The following CAMK1D variants were observed in gnomAD, a reference collection of about 807,000 sequenced individuals.
The protein encoded by CAMK1D is calcium/calmodulin-dependent protein kinase type 1D.
CAMK1D carries 9 observed loss-of-function variants against 47.7 expected under a neutral mutation model. The observed-to-expected ratio is 0.19, with a 90% confidence interval of 0.11 to 0.33. The LOEUF (loss-of-function observed/expected upper bound fraction) is 0.33. CAMK1D is among the 10% of genes least tolerant of loss of function. The pLI, the probability that CAMK1D is intolerant of heterozygous loss-of-function variation, is 1.00. For synonymous variants in CAMK1D, 184 were observed against 184.9 expected, an observed-to-expected ratio of 0.99 and a Z score of 0.04; for missense variants, 291 against 488.7, an observed-to-expected ratio of 0.60 and a Z score of 3.81.
intron 1 of CAMK1D, among the ~76,000 whole-genome samples, chr10:12,541,842 T>TCTTTCTTCCTTCCTTCCTTCCTTC (rs374911157): frequency 1.1e-4 from 13 of 116,606 alleles, no homozygotes; most frequent in Admixed American, 9.0e-4. Context: ...CTGTGTTTTA[T>TCTTTCTTCCTTCCTTCCTTCCTTC]CTTCCTTCCT....
chr10:12,656,653 C>T (rs775714177), intron 2 of CAMK1D, among the ~76,000 whole-genome samples: 1 of 152,204 alleles, frequency 6.6e-6, no homozygotes, highest in African/African-American at 2.4e-5. Context: ...AGCTTACAGA[C>T]TTAAGAGCTT....
chr10:12,397,662 C>T (rs1484191224), intron 1 of CAMK1D, among the ~76,000 whole-genome samples: 1 of 152,212 alleles, frequency 6.6e-6, no homozygotes, highest in Admixed American at 6.5e-5. Flanking sequence ...CAGTGATGGT[C>T]TCTTGAATGA....
intron 3 of CAMK1D, among the ~76,000 whole-genome samples, chr10:12,705,529 T>G (rs4237425): frequency 0.58 from 87,500 of 152,054 alleles, 26,602 homozygotes; most frequent in Non-Finnish European, 0.66. Context: ...AATAAACATC[T>G]TGTTTTATGC....
chr10:12,828,555 C>T (rs553562647), intron 10 of CAMK1D, among the ~76,000 whole-genome samples: 50 of 152,122 alleles, frequency 3.3e-4, no homozygotes, highest in African/African-American at 1.1e-3. Context: ...GCACGAGAAT[C>T]GCTTGAACCT....
chr10:12,653,411 GT>G (rs1042602461), intron 2 of CAMK1D, among the ~76,000 whole-genome samples: 2 of 152,180 alleles, frequency 1.3e-5, no homozygotes, highest in South Asian at 2.1e-4. Context: ...AAGAAATTAT[GT>G]TTAAAAACAC....
chr10:12,721,131 C>G (rs181764623), intron 3 of CAMK1D, among the ~76,000 whole-genome samples: 2 of 152,348 alleles, frequency 1.3e-5, no homozygotes, highest in East Asian at 3.9e-4. Context: ...GCGAGATCTT[C>G]ACGGTCAAGG....
chr10:12,626,280 A>G, intron 2 of CAMK1D, among the ~76,000 whole-genome samples: 1 of 152,180 alleles, frequency 6.6e-6, no homozygotes, highest in East Asian at 1.9e-4. Flanking sequence ...AGTCTTTTGC[A>G]TTAATTTAAA....
At chr10:12,356,466 G>A (rs566478884) in intron 1 of CAMK1D, among the ~76,000 whole-genome samples, 1 of 152,294 alleles carries the variant, frequency 6.6e-6, no homozygotes, top group South Asian at 2.1e-4. Context: ...GAATTTGAAG[G>A]TGAAATTCTC....
At chr10:12,644,796 C>G (rs1839769010) in intron 2 of CAMK1D, among the ~76,000 whole-genome samples, 1 of 152,048 alleles carries the variant, frequency 6.6e-6, no homozygotes, top group Non-Finnish European at 1.5e-5. Context: ...TTTTCATAAG[C>G]CATTACAGGT....
chr10:12,774,407 A>G (rs928161632), intron 5 of CAMK1D, among the ~76,000 whole-genome samples: 4 of 152,100 alleles, frequency 2.6e-5, no homozygotes, highest in South Asian at 4.1e-4. Flanking sequence ...GCCTGAAGGC[A>G]GGAGAATGTG....
chr10:12,432,937 A>G (rs1196675748), intron 1 of CAMK1D, among the ~76,000 whole-genome samples: 13 of 152,218 alleles, frequency 8.5e-5, no homozygotes, highest in Non-Finnish European at 1.5e-5. Context: ...GTCATGTACA[A>G]GGTCCCCGGG....
At chr10:12,368,976 C>A (rs184543407) in intron 1 of CAMK1D, among the ~76,000 whole-genome samples, 41 of 152,166 alleles carry the variant, frequency 2.7e-4, no homozygotes, top group African/African-American at 9.4e-4. Context: ...CACCACCAAG[C>A]CTGGCTAATT....
intron 1 of CAMK1D, among the ~76,000 whole-genome samples, chr10:12,481,096 C>T (rs1834051031): frequency 6.6e-6 from 1 of 152,108 alleles, no homozygotes; most frequent in African/African-American, 2.4e-5. Flanking sequence ...ATGAGAGGGG[C>T]CTGAATTCTA....
chr10:12,687,496 A>T (rs1832710263), intron 3 of CAMK1D, among the ~76,000 whole-genome samples: 1 of 152,144 alleles, frequency 6.6e-6, no homozygotes, highest in Admixed American at 6.6e-5. Flanking sequence ...TTTTGTTGTA[A>T]TGTGAAGTGG....
chr10:12,591,416 G>A (rs946424999), intron 2 of CAMK1D, among the ~76,000 whole-genome samples: 1 of 152,098 alleles, frequency 6.6e-6, no homozygotes, highest in Non-Finnish European at 1.5e-5. Context: ...ATCCCCCTAC[G>A]GCACCTGCCA....
intron 4 of CAMK1D, among the ~76,000 whole-genome samples, chr10:12,761,889 A>T (rs9787631): frequency 0.78 from 118,869 of 152,074 alleles, 48,176 homozygotes; most frequent in Non-Finnish European, 0.88. Flanking sequence ...CGTCTCAAAA[A>T]AAATAAATAA....
intron 1 of CAMK1D, among the ~76,000 whole-genome samples, chr10:12,515,794 G>T (rs1281855628): frequency 2.6e-5 from 4 of 151,740 alleles, no homozygotes; most frequent in African/African-American, 9.7e-5. Flanking sequence ...TGTATTTTTA[G>T]TAGAGATGGG....
At position 12,807,190 on chromosome 10, in the gene CAMK1D, C is replaced by T. The variant is rs144411778; in HGVS notation, c.642-7005C>T. Among the ~76,000 whole-genome samples, 7 of 152,336 alleles carry T rather than the reference C, an allele frequency of 4.6e-5. No homozygotes were observed. In the East Asian group the frequency reaches 1.4e-3, roughly 29 times the overall value. On this transcript the variant is annotated intron_variant, in intron 6 of 10. Transcript: ENST00000619168. ...TCTCTCACATGTACCTGGTCCAGCT[C>T]TGCCCGGCATGAAAGGAATCACTCG...
chr10:12,736,198 C>T (rs1324520665), intron 3 of CAMK1D, among the ~76,000 whole-genome samples: 1 of 152,210 alleles, frequency 6.6e-6, no homozygotes, highest in African/African-American at 2.4e-5. Flanking sequence ...GAAGACCATG[C>T]TCACTTGCCT....
Sources: allele counts gnomAD v4.1 joint callset (sites outside exome capture counted in the v4.1 genomes callset), GRCh38; gene constraint gnomAD v4.1.1; transcripts MANE v1.5; gene names NCBI Gene and HGNC (gene_info 2026-07-23, HGNC 2026-07-21).